NRG1: variants seen among roughly 807,000 people sequenced by gnomAD.
NRG1 encodes pro-neuregulin-1, membrane-bound isoform.
A neutral mutation model predicts 63.8 loss-of-function variants in NRG1; 18 were observed. The observed-to-expected ratio is 0.28, with a 90% CI of 0.19 to 0.42. NRG1 has a LOEUF of 0.42. NRG1 is among the 10% of genes least tolerant of loss of function. The pLI is 1.00. For synonymous variants in NRG1, 302 were observed against 301.3 expected, an observed-to-expected ratio of 1.00 and a Z score of -0.02; for missense variants, 762 against 814.7, an observed-to-expected ratio of 0.94 and a Z score of 0.79.
chr8:32,210,699 C>T (rs189746814), intron 1 of NRG1, among the ~76,000 whole-genome samples: 5 of 152,276 alleles, frequency 3.3e-5, no homozygotes, highest in Admixed American at 6.5e-5. Flanking sequence ...GACCACCTCA[C>T]GTAGTAGCTG....
At chr8:32,019,109 T>C (rs932989748) in intron 1 of NRG1, among the ~76,000 whole-genome samples, 2 of 152,138 alleles carry the variant, frequency 1.3e-5, no homozygotes, top group African/African-American at 4.8e-5. Flanking sequence ...GGAGTTCTGT[T>C]TTTTTTTGAG....
intron 1 of NRG1, among the ~76,000 whole-genome samples, chr8:32,569,014 T>C (rs1025585819): frequency 1.2e-4 from 19 of 152,154 alleles, no homozygotes; most frequent in African/African-American, 4.3e-4. Context: ...TAAGTTACAT[T>C]GAAAGGCCGA....
Position 32,668,898 on chromosome 8 carries a change from C to T in NRG1, c.502+52013C>T, listed in dbSNP as rs370305327. 3.0e-4 allele frequency among the ~76,000 whole-genome samples: 45 copies of T among 152,252 alleles called. 1 individual carries two copies. Among genetic ancestry groups the T allele is most frequent in the African/African-American group, 1.1e-3 (45 of 41,550 alleles). Reference sequence around the variant, plus strand: ...TTAAAAATCTTTTCTTTTACTCTATCATTTAGTAACGGATTTTCTTTTGGT... The same window carrying T: ...TTAAAAATCTTTTCTTTTACTCTATTATTTAGTAACGGATTTTCTTTTGGT... On this transcript the variant is annotated intron_variant, in intron 5 of 11. Coordinates refer to ENST00000356819, the Ensembl canonical transcript of NRG1.
At chr8:32,482,808 G>C (rs1825469165) in intron 1 of NRG1, among the ~76,000 whole-genome samples, 1 of 152,178 alleles carries the variant, frequency 6.6e-6, no homozygotes, top group East Asian at 1.9e-4. Context: ...GTGGGAACAG[G>C]GTAGTGGAAT....
chr8:32,022,978 A>G (rs905176230), intron 1 of NRG1, among the ~76,000 whole-genome samples: 1 of 152,204 alleles, frequency 6.6e-6, no homozygotes, highest in Non-Finnish European at 1.5e-5. Flanking sequence ...GGATTATCAT[A>G]TATTTGTACC....
intron 1 of NRG1, among the ~76,000 whole-genome samples, chr8:32,198,389 G>C (rs188800169): frequency 6.6e-6 from 1 of 152,188 alleles, no homozygotes; most frequent in African/African-American, 2.4e-5. Context: ...TGTTGGTCAG[G>C]CTGGTCTCGA....
intron 1 of NRG1, among the ~76,000 whole-genome samples, chr8:32,013,725 A>G (rs1226573523): frequency 1.3e-5 from 2 of 152,148 alleles, no homozygotes. Context: ...AAAACTCACT[A>G]CATTCTGTAC....
chr8:31,752,467 G>A (rs1241216053), intron 1 of NRG1, among the ~76,000 whole-genome samples: 1 of 152,052 alleles, frequency 6.6e-6, no homozygotes, highest in East Asian at 1.9e-4. Flanking sequence ...CTTGGGGGGA[G>A]ACCAATTAGG....
intron 1 of NRG1, among the ~76,000 whole-genome samples, chr8:32,011,356 T>C (rs1039816560): frequency 2.6e-5 from 4 of 152,020 alleles, no homozygotes; most frequent in African/African-American, 9.7e-5. Context: ...CATTTGCACG[T>C]TCATGTTCAA....
chr8:31,818,012 T>G (rs1446290905), intron 1 of NRG1, among the ~76,000 whole-genome samples: 3 of 152,224 alleles, frequency 2.0e-5, no homozygotes, highest in African/African-American at 7.2e-5. Context: ...AAGAACTGAT[T>G]TTATGGAGCA....
At chr8:32,674,024 C>T (rs931410803) in intron 5 of NRG1, among the ~76,000 whole-genome samples, 5 of 152,088 alleles carry the variant, frequency 3.3e-5, no homozygotes, top group African/African-American at 1.2e-4. Flanking sequence ...TGTCTGACTC[C>T]AGCTTTATCC....
intron 1 of NRG1, among the ~76,000 whole-genome samples, chr8:32,527,040 C>T (rs1830922757): frequency 6.6e-6 from 1 of 152,106 alleles, no homozygotes; most frequent in Admixed American, 6.6e-5. Context: ...CAGATAGTAC[C>T]CAATTGGCAT....
At chr8:31,865,864 C>T (rs1828909751) in intron 1 of NRG1, among the ~76,000 whole-genome samples, 1 of 152,090 alleles carries the variant, frequency 6.6e-6, no homozygotes, top group Admixed American at 6.6e-5. Context: ...TCTGAGCAGT[C>T]ATATTATTAG....
intron 1 of NRG1, among the ~76,000 whole-genome samples, chr8:32,271,055 C>A (rs1413536295): frequency 6.6e-6 from 1 of 152,058 alleles, no homozygotes; most frequent in Non-Finnish European, 1.5e-5. Flanking sequence ...GGCCTTTTTG[C>A]CCTCTTTTCC....
chr8:32,161,188 G>A (rs1211373748), intron 1 of NRG1, among the ~76,000 whole-genome samples: 1 of 151,884 alleles, frequency 6.6e-6, no homozygotes, highest in Non-Finnish European at 1.5e-5. Context: ...GATTAAAACT[G>A]GTAATATATC....
At chr8:32,689,226 T>A (rs1810960017) in intron 5 of NRG1, among the ~76,000 whole-genome samples, 1 of 152,148 alleles carries the variant, frequency 6.6e-6, no homozygotes, top group Non-Finnish European at 1.5e-5. Flanking sequence ...TAATATCTGC[T>A]TTTGTAGTGT....
At chr8:32,639,360 C>T (rs552233333) in intron 5 of NRG1, among the ~76,000 whole-genome samples, 4 of 152,166 alleles carry the variant, frequency 2.6e-5, no homozygotes, top group South Asian at 2.1e-4. Flanking sequence ...GAGGTGAGAT[C>T]GCGCCACTGC....
At chr8:32,060,953 T>C (rs1823748157) in intron 1 of NRG1, among the ~76,000 whole-genome samples, 1 of 151,880 alleles carries the variant, frequency 6.6e-6, no homozygotes, top group South Asian at 2.1e-4. Context: ...CAGGGACCAA[T>C]GTTGTGAACT....
At chr8:31,973,280 A>C (rs1807600230) in intron 1 of NRG1, among the ~76,000 whole-genome samples, 1 of 152,194 alleles carries the variant, frequency 6.6e-6, no homozygotes, top group South Asian at 2.1e-4. Flanking sequence ...CATAATATAC[A>C]CATCTTCTGT....
Sources: gnomAD v4.1 joint callset for allele counts (sites outside exome capture counted in the v4.1 genomes callset) on GRCh38, gnomAD v4.1.1 for gene constraint, MANE v1.5 for transcripts, NCBI Gene and HGNC (gene_info 2026-07-23, HGNC 2026-07-21) for gene names.